Variants in SLCO1B3 observed in about 807,000 individuals in gnomAD.
SLCO1B3 encodes the protein solute carrier organic anion transporter family member 1B3, also known as liver-specific organic anion transporter 2.
A neutral mutation model predicts 71.8 loss-of-function variants in SLCO1B3; 72 were observed. That is an observed-to-expected ratio of 1.00 (90% CI 0.83 to 1.22). The LOEUF (loss-of-function observed/expected upper bound fraction) is 1.22. Ranked by LOEUF, SLCO1B3 falls within the 50% of genes most tolerant of loss-of-function variation. The pLI is 0.00. For synonymous variants in SLCO1B3, 298 were observed against 278.4 expected (o/e 1.07, Z -0.70); for missense variants, 911 against 819.7 (o/e 1.11, Z -1.36).
intron 3 of SLCO1B3, among the ~76,000 whole-genome samples, chr12:20,832,932 C>A (rs767748853): frequency 2.3e-5 from 3 of 131,662 alleles, no homozygotes; most frequent in Non-Finnish European, 3.4e-5. Flanking sequence ...TGTTTAATGG[C>A]ATAAAACAAA....
intron 3 of SLCO1B3, among the ~76,000 whole-genome samples, chr12:20,834,659 C>T (rs1461498329): frequency 6.6e-6 from 1 of 151,956 alleles, no homozygotes; most frequent in Non-Finnish European, 1.5e-5. Context: ...AGCTGAATGA[C>T]TGATGCAAGA....
chr12:20,889,861 A>G (rs909840948), intron 13 of SLCO1B3, among the ~76,000 whole-genome samples: 2 of 151,018 alleles, frequency 1.3e-5, no homozygotes, highest in Non-Finnish European at 2.9e-5. Flanking sequence ...GATTTGTTGT[A>G]TCTCAGAGGT....
intron 8 of SLCO1B3, among the ~76,000 whole-genome samples, chr12:20,864,883 G>A (rs1422053162): frequency 6.6e-6 from 1 of 152,024 alleles, no homozygotes; most frequent in South Asian, 2.1e-4. Context: ...AGGAAATTAG[G>A]GTATGATGGT....
At chr12:20,836,143 C>T (rs1864675582) in intron 3 of SLCO1B3, among the ~76,000 whole-genome samples, 1 of 152,162 alleles carries the variant, frequency 6.6e-6, no homozygotes, top group Non-Finnish European at 1.5e-5. Context: ...AACCCATCCC[C>T]ATGATAAAGT....
intron 13 of SLCO1B3, among the ~76,000 whole-genome samples, chr12:20,888,327 G>A (rs1204344292): frequency 1.3e-5 from 2 of 151,956 alleles, no homozygotes; most frequent in African/African-American, 2.4e-5. Context: ...TCCAATTCAT[G>A]AGCGTAGGAT....
chr12:20,849,012 T>A (rs1864968899), intron 3 of SLCO1B3, among the ~76,000 whole-genome samples: 1 of 152,038 alleles, frequency 6.6e-6, no homozygotes, highest in Non-Finnish European at 1.5e-5. Flanking sequence ...TAAACAAATG[T>A]ACCACACCAA....
chr12:20,860,597 CTTTGTGTGTGTGTGTGTGTGTGTG>C (rs1335919805), intron 5 of SLCO1B3, among the ~76,000 whole-genome samples: 1 of 80,158 alleles, frequency 1.2e-5, no homozygotes, highest in Non-Finnish European at 2.7e-5. Context: ...AAGTCAAGCA[CTTTGTGTGTGTGTGTGTGTGTGTG>C]TGTGTGTGTG....
rs374885632 is a variant in SLCO1B3, at chr12:20,820,914, G to C, written c.84+5092G>C. ...CCAGCCACCTTTTTAAGAGTAAATTGCTGGGCAGGTGGGGGAGGGGTAGTC... is the reference window on the plus strand; with the variant it reads ...CCAGCCACCTTTTTAAGAGTAAATTCCTGGGCAGGTGGGGGAGGGGTAGTC... On this transcript the variant is annotated intron_variant, in intron 3 of 15. Transcript: ENST00000381545. 1.1e-3 allele frequency among the ~76,000 whole-genome samples: 161 copies of C among 152,208 alleles called. 4 individuals are homozygous for C. The South Asian group carries it at 0.033, about 31-fold the overall frequency.
rs573510955 is a variant in SLCO1B3, at chr12:20,829,898, G to T, written c.84+14076G>T. 2.0e-5 allele frequency among the ~76,000 whole-genome samples: 3 copies of T among 152,260 alleles called. No individual in the cohort carries two copies. In the East Asian group the frequency reaches 5.8e-4, roughly 30 times the overall value. On this transcript the variant is annotated intron_variant, in intron 3 of 15. Transcript: ENST00000381545. ...TCATGGCGCTGGTGGGAGTGTAGCA[G>T]TGAGGATGACCAGAAGTCACTCTGT...
At chr12:20,876,277 G>C (rs1865577035) in intron 9 of SLCO1B3, among the ~76,000 whole-genome samples, 1 of 152,062 alleles carries the variant, frequency 6.6e-6, no homozygotes, top group Non-Finnish European at 1.5e-5. Context: ...ATAATCAAGA[G>C]AATGATCTGG....
intron 13 of SLCO1B3, among the ~76,000 whole-genome samples, chr12:20,897,641 C>T (rs1452194018): frequency 1.3e-5 from 2 of 152,158 alleles, no homozygotes; most frequent in Admixed American, 6.5e-5. Context: ...CTGAAAAAAA[C>T]CATCCAACAC....
rs145180166 is a variant in SLCO1B3 at position 20,861,191 on chromosome 12, C to T, written c.481+53C>T. On this transcript the variant is annotated intron_variant, in intron 6 of 15. Coordinates refer to ENST00000381545, the MANE Select transcript of SLCO1B3 (RefSeq NM_019844.4). ...AATTCTAGATTGATAGATTTAATCACGTCTATAAAGTTTCTGATATTCTTT... is the reference window on the plus strand; with the variant it reads ...AATTCTAGATTGATAGATTTAATCATGTCTATAAAGTTTCTGATATTCTTT... 1,573 of 1,454,754 alleles carry T rather than the reference C, an allele frequency of 1.1e-3. 9 individuals carry two copies. In the African/African-American group the frequency reaches 0.013, roughly 12 times the overall value. 90.1% of individuals were successfully genotyped at this position (1,454,754 alleles called of 1,614,324 possible).
In SLCO1B3 at chr12:20,916,354, T is replaced by C; in HGVS notation, c.*107T>C. 9.9e-7 allele frequency: 1 copy of C among 1,012,444 alleles called. No homozygotes were observed. The highest frequency in any genetic ancestry group is 1.5e-6 in the Non-Finnish European group (1 of 686,584). The allele number at this position is 1,012,444 out of a possible 1,614,324, so 62.7% of individuals were successfully genotyped here. A position where few individuals can be genotyped will look rare whatever the true frequency, so the allele number is the denominator to read the frequency against. On this transcript the variant is annotated 3_prime_UTR_variant, in exon 16 of 16. Coordinates refer to ENST00000381545, the MANE Select transcript of SLCO1B3 (RefSeq NM_019844.4). Reference sequence around the variant, plus strand: ...GGACCAATGGATAAGTCTATGCATCTATAATAAACTATAAAAAATGGGAGT... The same window carrying C: ...GGACCAATGGATAAGTCTATGCATCCATAATAAACTATAAAAAATGGGAGT...
intron 3 of SLCO1B3, among the ~76,000 whole-genome samples, chr12:20,848,815 G>T (rs1702119016): frequency 6.6e-6 from 1 of 152,128 alleles, no homozygotes; most frequent in African/African-American, 2.4e-5. Context: ...TTCAGTAGTT[G>T]CCAAGTGTTT....
At chr12:20,915,964 T>A in intron 15 of SLCO1B3, 40 bp from the exon 16 acceptor site, 2 of 1,507,224 alleles carry the variant, frequency 1.3e-6, no homozygotes, top group Non-Finnish European at 9.0e-7. Context: ...ATTTTACACA[T>A]TTAAAATAAT....
Position 20,913,261 on chromosome 12 carries a change from T to C in SLCO1B3, c.1866-2743T>C, listed in dbSNP as rs373388341. Among the ~76,000 whole-genome samples the C allele has an allele frequency of 8.1e-4, 123 of 152,324 alleles. 2 individuals carry two copies. In the South Asian group the frequency reaches 0.025, roughly 31 times the overall value. On this transcript the variant is annotated intron_variant, in intron 15 of 15. Coordinates refer to ENST00000381545, the MANE Select transcript of SLCO1B3 (RefSeq NM_019844.4). ...TGTCCATAGGTTCTTAGAAACTGAT[T>C]TTAAGCAAAACAATACACTATGTAC...
chr12:20,882,076 C>G (rs1865705836), intron 12 of SLCO1B3, among the ~76,000 whole-genome samples: 1 of 152,142 alleles, frequency 6.6e-6, no homozygotes. Flanking sequence ...GCTATAGTAT[C>G]TTTCAGTAAG....
chr12:20,821,130 C>T (rs896954982), intron 3 of SLCO1B3, among the ~76,000 whole-genome samples: 1 of 151,908 alleles, frequency 6.6e-6, no homozygotes, highest in Non-Finnish European at 1.5e-5. Flanking sequence ...CCTGAGGGGA[C>T]AGGCGGGAGG....
At chr12:20,879,205 C>CAAAG (rs1865639363) in intron 10 of SLCO1B3, among the ~76,000 whole-genome samples, 1 of 95,208 alleles carries the variant, frequency 1.1e-5, no homozygotes, top group Non-Finnish European at 2.0e-5. Context: ...ACCCTTCTCT[C>CAAAG]TTTTTTTTTT....
Sources: gnomAD v4.1 joint callset for allele counts (sites outside exome capture counted in the v4.1 genomes callset) on GRCh38, gnomAD v4.1.1 for gene constraint, MANE v1.5 for transcripts, NCBI Gene and HGNC (gene_info 2026-07-23, HGNC 2026-07-21) for gene names.